The following YTHDF3 variants were observed in gnomAD, a reference collection of about 807,000 sequenced individuals.
YTHDF3 encodes YTH domain-containing family protein 3.
In YTHDF3, 9 loss-of-function variants were observed where a neutral mutation model predicts 52.5. That is an observed-to-expected ratio of 0.17 (90% confidence interval 0.10 to 0.30). The LOEUF (loss-of-function observed/expected upper bound fraction) is 0.30, where lower values mean the gene tolerates loss of function less well. Among genes scored for constraint, YTHDF3 ranks in the 10% least tolerant of loss-of-function variants. The pLI is 1.00. For synonymous variants in YTHDF3, 274 were observed against 243.3 expected (o/e 1.13, Z -1.18); for missense variants, 534 against 715.0 (o/e 0.75, Z 2.89).
chr8:63,185,185 T>A (rs1317856420), intron 3 of YTHDF3, among the ~76,000 whole-genome samples: 1 of 152,140 alleles, frequency 6.6e-6, no homozygotes, highest in Non-Finnish European at 1.5e-5. Flanking sequence ...CAGACTTTTT[T>A]TTTTTGCGTA....
At chr8:63,208,854 C>CTTT (rs1039770661) in intron 4 of YTHDF3, among the ~76,000 whole-genome samples, 3 of 151,658 alleles carry the variant, frequency 2.0e-5, no homozygotes, top group East Asian at 3.9e-4. Flanking sequence ...TAACACTCAT[C>CTTT]TTTTTTGTTG....
Position 63,170,319 on chromosome 8 carries a change from C to T in YTHDF3, c.49+908C>T, listed in dbSNP as rs530556999. Reference sequence around the variant, plus strand: ...TAATAGCCTTTTAGATATAGATTGTCTTTGGTGCCCTTTAAATTCTTGTTA... The same window carrying T: ...TAATAGCCTTTTAGATATAGATTGTTTTTGGTGCCCTTTAAATTCTTGTTA... On this transcript the variant is annotated intron_variant, in intron 2 of 4. Coordinates refer to ENST00000539294, the MANE Select transcript of YTHDF3 (RefSeq NM_152758.6). Among the ~76,000 whole-genome samples the T allele has an allele frequency of 2.9e-4, 44 of 152,208 alleles. No homozygotes were observed. The South Asian group carries it at 4.3e-3, about 15-fold the overall frequency.
intron 2 of YTHDF3, chr8:63,172,769 A>G (rs1807415669): frequency 1.6e-6 from 2 of 1,231,520 alleles, no homozygotes; most frequent in South Asian, 4.1e-5. Context: ...ACTCTGTTTC[A>G]TAGAGCAGAG....
chr8:63,173,380 T>C (rs1358369179), intron 2 of YTHDF3, among the ~76,000 whole-genome samples: 1 of 151,836 alleles, frequency 6.6e-6, no homozygotes, highest in East Asian at 1.9e-4. Flanking sequence ...ACTAGGACTA[T>C]AGGCACATGC....
intron 4 of YTHDF3, among the ~76,000 whole-genome samples, chr8:63,204,214 A>G (rs534155729): frequency 6.7e-6 from 1 of 149,798 alleles, no homozygotes; most frequent in Non-Finnish European, 1.5e-5. Context: ...CCATTTCTTT[A>G]TTCTTGCTCT....
intron 3 of YTHDF3, among the ~76,000 whole-genome samples, chr8:63,180,093 C>T (rs1028135634): frequency 4.0e-5 from 6 of 151,570 alleles, no homozygotes; most frequent in Non-Finnish European, 8.9e-5. Context: ...CACCTCCCTC[C>T]CGGACGAGGT....
intron 4 of YTHDF3, among the ~76,000 whole-genome samples, chr8:63,204,183 A>AT (rs964774712): frequency 8.1e-5 from 12 of 147,636 alleles, no homozygotes; most frequent in South Asian, 2.1e-4. Flanking sequence ...CTATCCTCTC[A>AT]TTTTTTTTTC....
rs561259515 is a variant in YTHDF3 at position 63,168,860 on chromosome 8, C to G, written c.-18C>G. On this transcript the variant is annotated 5_prime_UTR_variant, in exon 1 of 5. Coordinates refer to ENST00000539294, the MANE Select transcript of YTHDF3 (RefSeq NM_152758.6). ...CCAGGCAGCGGCGGCGGCGGCGGCT[C>G]TCGGGTTGCGGTGAAGAATGTCAGC... The G allele has an allele frequency of 3.9e-4, 602 of 1,554,404 alleles. 5 individuals carry two copies. Among genetic ancestry groups the G allele is most frequent in the East Asian group, 7.3e-5 (3 of 41,046 alleles).
At chr8:63,169,016 G>C (rs929650614) in intron 1 of YTHDF3, 115 bp downstream of exon 1, 1 of 1,472,982 alleles carries the variant, frequency 6.8e-7, no homozygotes, top group Middle Eastern at 2.4e-4. Context: ...ACGGTGCCCC[G>C]GGCGCAAGTT....
rs117314924 is a variant in YTHDF3, at chr8:63,183,351, G to A, written c.136-2796G>A. On this transcript the variant is annotated intron_variant, in intron 3 of 4. Coordinates refer to ENST00000539294, the MANE Select transcript of YTHDF3 (RefSeq NM_152758.6). ...ACTTTTGAGAGTTTTTTTAATCACAGTGACTTTTTGTCAGTATGAAGCACT... is the reference window on the plus strand; with the variant it reads ...ACTTTTGAGAGTTTTTTTAATCACAATGACTTTTTGTCAGTATGAAGCACT... 1.6e-3 allele frequency among the ~76,000 whole-genome samples: 248 copies of A among 151,932 alleles called. 6 individuals are homozygous for A. In the East Asian group the frequency reaches 0.046, roughly 28 times the overall value.
At chr8:63,191,903 C>A (rs779948735) in intron 4 of YTHDF3, among the ~76,000 whole-genome samples, 1 of 151,768 alleles carries the variant, frequency 6.6e-6, no homozygotes, top group Non-Finnish European at 1.5e-5. Flanking sequence ...TTCCATTCAT[C>A]CTTTGAAGGA....
chr8:63,195,763 T>TGTGTGA (rs538654034), intron 4 of YTHDF3, among the ~76,000 whole-genome samples: 80 of 149,368 alleles, frequency 5.4e-4, no homozygotes, highest in African/African-American at 1.9e-3. Context: ...TGTGTGTGTG[T>TGTGTGA]GACCCTGGGC....
chr8:63,175,566 G>T, intron 3 of YTHDF3, 150 bp downstream of exon 3: 1 of 585,244 alleles, frequency 1.7e-6, no homozygotes, highest in South Asian at 2.4e-5. Context: ...AGTAGCAGTT[G>T]CAGATTTATG....
Position 63,209,797 on chromosome 8 carries a change from T to G in YTHDF3, c.*91T>G. 7.5e-7 allele frequency: 1 copy of G among 1,329,308 alleles called. No homozygotes were observed. The highest frequency in any genetic ancestry group is 1.0e-6 in the Non-Finnish European group (1 of 979,776). 82.3% of individuals were successfully genotyped at this position (1,329,308 alleles called of 1,614,324 possible). ...TCAAAGAAGACGTATTAAAGCTCTT[T>G]TCTGCTTAAGGTGACATCTTTGAAC... is the stretch of plus-strand genomic sequence containing the variant. On this transcript the variant is annotated 3_prime_UTR_variant, in exon 5 of 5. Coordinates refer to ENST00000539294, the MANE Select transcript of YTHDF3 (RefSeq NM_152758.6).
At chr8:63,172,664 T>A in intron 2 of YTHDF3, 2 of 696,312 alleles carry the variant, frequency 2.9e-6, no homozygotes, top group East Asian at 6.8e-5. Flanking sequence ...TGGGGAAACA[T>A]GATGCACAGA....
intron 4 of YTHDF3, among the ~76,000 whole-genome samples, chr8:63,209,431 G>A (rs957927755): frequency 5.3e-5 from 8 of 152,112 alleles, no homozygotes; most frequent in Non-Finnish European, 1.0e-4. Flanking sequence ...ACAAACAATA[G>A]GGATGTGGAG....
Position 63,173,475 on chromosome 8 carries a change from G to C in YTHDF3, c.50-1856G>C, listed in dbSNP as rs114854441. Reference sequence around the variant, plus strand: ...CAGGCTGGTCTTGAGCTCCTGGCCTGGCACTTTTTGTATTTGTATGAACTA... The same window carrying C: ...CAGGCTGGTCTTGAGCTCCTGGCCTCGCACTTTTTGTATTTGTATGAACTA... On this transcript the variant is annotated intron_variant, in intron 2 of 4. Coordinates refer to ENST00000539294, the MANE Select transcript of YTHDF3 (RefSeq NM_152758.6). Among the ~76,000 whole-genome samples the C allele has an allele frequency of 3.2e-3, 492 of 151,996 alleles. 4 individuals are homozygous for C. Among genetic ancestry groups the C allele is most frequent in the African/African-American group, 0.012 (477 of 41,444 alleles).
chr8:63,183,476 GA>G (rs1434360802), intron 3 of YTHDF3, among the ~76,000 whole-genome samples: 1 of 151,972 alleles, frequency 6.6e-6, no homozygotes, highest in Non-Finnish European at 1.5e-5. Flanking sequence ...ATTTTGTCAA[GA>G]TTTTTTTCTT....
At chr8:63,188,701 A>ATATATATATATATTT (rs1355614739) in intron 4 of YTHDF3, 8 of 61,440 alleles carry the variant, frequency 1.3e-4, no homozygotes, top group African/African-American at 6.1e-4. Context: ...ATATATATAT[A>ATATATATATATATTT]TTTTTTTTTT....
Sources: allele counts gnomAD v4.1 joint callset (sites outside exome capture counted in the v4.1 genomes callset), GRCh38; gene constraint gnomAD v4.1.1; transcripts MANE v1.5; gene names NCBI Gene and HGNC (gene_info 2026-07-23, HGNC 2026-07-21).